The following NRAP variants were observed in gnomAD, a reference collection of about 807,000 sequenced individuals.
NRAP encodes the protein nebulin-related-anchoring protein.
A neutral mutation model predicts 225.9 loss-of-function variants in NRAP; 189 were observed. That is an observed-to-expected ratio of 0.84 (90% CI 0.74 to 0.94). The LOEUF is 0.94. NRAP is among the 40% of genes least tolerant of loss of function. NRAP has a pLI of 0.00. For synonymous variants in NRAP, 769 were observed against 790.7 expected (o/e 0.97, Z 0.46); for missense variants, 2,176 against 2,168.7 (o/e 1.00, Z -0.07).
chr10:113,598,505 T>C (rs1184238432), intron 35 of NRAP, among the ~76,000 whole-genome samples: 3 of 151,956 alleles, frequency 2.0e-5, no homozygotes, highest in African/African-American at 7.3e-5. Flanking sequence ...CTGCTATGAC[T>C]GGGAGCAAAT....
intron 29 of NRAP, among the ~76,000 whole-genome samples, chr10:113,613,816 A>G (rs2133941870): frequency 6.6e-6 from 1 of 152,286 alleles, no homozygotes; most frequent in East Asian, 1.9e-4. Context: ...CCAGAAGCTT[A>G]ACACTTTTAT....
At chr10:113,613,355 G>A (rs778022067) in intron 29 of NRAP, among the ~76,000 whole-genome samples, 1 of 152,146 alleles carries the variant, frequency 6.6e-6, no homozygotes, top group African/African-American at 2.4e-5. Flanking sequence ...CTGGCTCCAC[G>A]GCCTGGCTCT....
At chr10:113,652,340 A>G (rs1213147726) in intron 6 of NRAP, among the ~76,000 whole-genome samples, 3 of 152,210 alleles carry the variant, frequency 2.0e-5, no homozygotes, top group Non-Finnish European at 4.4e-5. Flanking sequence ...CCTGACATCC[A>G]GTTAAAAATT....
At chr10:113,627,904 G>A (rs1294441254) in intron 20 of NRAP, among the ~76,000 whole-genome samples, 1 of 152,182 alleles carries the variant, frequency 6.6e-6, no homozygotes, top group African/African-American at 2.4e-5. Context: ...CCAAAGTGAT[G>A]ATTCAATAAT....
chr10:113,660,317 T>C (rs1353408783), intron 3 of NRAP, among the ~76,000 whole-genome samples: 1 of 151,904 alleles, frequency 6.6e-6, no homozygotes, highest in East Asian at 1.9e-4. Flanking sequence ...TAGATGTGTG[T>C]GCACACACAT....
At chr10:113,615,105 T>C (rs1847569960) in intron 27 of NRAP, among the ~76,000 whole-genome samples, 159 bp from the exon 28 acceptor site, 1 of 150,958 alleles carries the variant, frequency 6.6e-6, no homozygotes, top group African/African-American at 2.4e-5. Flanking sequence ...CCACGTGAGT[T>C]GGATCCTGCC....
chr10:113,641,525 A>ATCTTC, intron 12 of NRAP, 53 bp from the exon 13 acceptor site: 1 of 1,045,864 alleles, frequency 9.6e-7, no homozygotes, highest in Non-Finnish European at 1.5e-6. Context: ...CAAGTAGTTG[A>ATCTTC]AGATAAACTA....
intron 32 of NRAP, among the ~76,000 whole-genome samples, 168 bp downstream of exon 32, chr10:113,608,246 C>T (rs1447401454): frequency 2.0e-5 from 3 of 152,218 alleles, no homozygotes; most frequent in East Asian, 1.9e-4. Context: ...CCCAACTGGG[C>T]TTTCATTTCC....
At chr10:113,633,658 G>A (rs1848697614) in intron 15 of NRAP, among the ~76,000 whole-genome samples, 4 of 152,022 alleles carry the variant, frequency 2.6e-5, no homozygotes, top group African/African-American at 9.7e-5. Flanking sequence ...AATTAAACTT[G>A]AACTTTGGAT....
At chr10:113,646,048 A>C in intron 10 of NRAP, 107 bp from the exon 11 acceptor site, 1 of 585,800 alleles carries the variant, frequency 1.7e-6, no homozygotes, top group Non-Finnish European at 3.0e-6. Flanking sequence ...ACTTAATACA[A>C]TTTTCTGAAA....
chr10:113,635,978 C>T (rs904608668), intron 14 of NRAP, among the ~76,000 whole-genome samples: 7 of 152,216 alleles, frequency 4.6e-5, no homozygotes, highest in Non-Finnish European at 1.0e-4. Context: ...TGACCCAGTG[C>T]TTCTGGACAT....
chr10:113,606,221 G>A lies in NRAP; in HGVS notation c.3764C>T (p.Pro1255Leu). ...ATTCGTTTTTGCTCGGATGAACTCGGGCAGACCCAGGGTCATTGTATACTC... is the reference window on the plus strand; with the variant it reads ...ATTCGTTTTTGCTCGGATGAACTCGAGCAGACCCAGGGTCATTGTATACTC... ...RHEYTMTLGL[P>L]EFIRAKTNAA... Residue 1255 changes from proline to leucine, a missense_variant, in exon 33 of 42, where the codon CCC becomes CTC. By Grantham distance (98) the Pro-to-Leu change is moderately conservative. This residue lies in a region of NRAP where 1,708 missense variants were observed against 1,695.5 expected (regional missense o/e 1.01). Transcript: ENST00000359988. 3 of 1,614,120 alleles carry A rather than the reference G, an allele frequency of 1.9e-6. No homozygotes were observed. Among genetic ancestry groups the A allele is most frequent in the Non-Finnish European group, 2.5e-6 (3 of 1,180,000 alleles).
chr10:113,658,937 A>G (rs976221753), intron 3 of NRAP, among the ~76,000 whole-genome samples: 14 of 152,018 alleles, frequency 9.2e-5, no homozygotes, highest in African/African-American at 2.6e-4. Context: ...TACAAGCTGA[A>G]GTTTAAATTC....
At chr10:113,593,979 G>A (rs11598490) in intron 38 of NRAP, among the ~76,000 whole-genome samples, 5,291 of 152,282 alleles carry the variant, frequency 0.035, 131 homozygotes, top group Non-Finnish European at 0.052. Flanking sequence ...TTCTCTGGGC[G>A]ACTTCTCCCT....
chr10:113,592,809 G>A (rs750870338), intron 38 of NRAP, among the ~76,000 whole-genome samples: 2 of 152,176 alleles, frequency 1.3e-5, no homozygotes, highest in Non-Finnish European at 2.9e-5. Flanking sequence ...GAGGCATGCT[G>A]CATCTCATAT....
chr10:113,589,552 A>G, intron 41 of NRAP, 114 bp downstream of exon 41: 1 of 1,300,200 alleles, frequency 7.7e-7, no homozygotes, highest in Non-Finnish European at 1.1e-6. Context: ...TGCGTTTCAC[A>G]CTTCTTTAGA....
rs1846805389 is a variant in NRAP at position 113,604,434 on chromosome 10, T to C, written c.4227+175A>G. Reference sequence around the variant, plus strand: ...TAGCCCTCAATAAAGATTAGTTGAATGATTCAATGAATGATTCCAACCTAA... The same window carrying C: ...TAGCCCTCAATAAAGATTAGTTGAACGATTCAATGAATGATTCCAACCTAA... On this transcript the variant is annotated intron_variant, in intron 35 of 41. Transcript: ENST00000359988. Among the ~76,000 whole-genome samples the C allele has an allele frequency of 2.0e-5, 3 of 152,184 alleles. No homozygotes were observed. The South Asian group carries it at 6.2e-4, about 32-fold the overall frequency.
intron 39 of NRAP, among the ~76,000 whole-genome samples, chr10:113,591,268 T>C (rs1378408907): frequency 6.6e-6 from 1 of 152,274 alleles, no homozygotes; most frequent in Non-Finnish European, 1.5e-5. Flanking sequence ...TAGGCCACTC[T>C]GCCTTTGATT....
At chr10:113,621,012 C>T (rs1336667628) in intron 24 of NRAP, among the ~76,000 whole-genome samples, 6 of 152,182 alleles carry the variant, frequency 3.9e-5, no homozygotes, top group Admixed American at 2.0e-4. Flanking sequence ...GAAAGAAGCA[C>T]GTCCTCATTG....
Sources: allele counts gnomAD v4.1 joint callset (sites outside exome capture counted in the v4.1 genomes callset), GRCh38; gene constraint gnomAD v4.1.1; regional missense constraint gnomAD v4.1.1; transcripts MANE v1.5; gene names NCBI Gene and HGNC (gene_info 2026-07-23, HGNC 2026-07-21).